The following MPDZ variants were observed in gnomAD, a reference collection of about 807,000 sequenced individuals.
MPDZ encodes the protein multiple PDZ domain crumbs cell polarity complex component.
Under a neutral mutation model 239.1 loss-of-function variants are expected in MPDZ, and 234 were observed. The ratio of observed to expected loss-of-function variants is 0.98; its 90% CI spans 0.88 to 1.09. MPDZ has a LOEUF of 1.09. Ranked by LOEUF, MPDZ falls within the 50% of genes least tolerant of loss-of-function variation. The pLI is 0.00. For synonymous variants in MPDZ, 1,048 were observed against 881.3 expected (o/e 1.19, Z -3.35); for missense variants, 3,175 against 2,510.0 (o/e 1.26, Z -5.66).
chr9:13,115,346 C>T lies in MPDZ; in HGVS notation c.5380-12G>A, dbSNP rs1331078815. 8 of 1,600,322 alleles carry T rather than the reference C, an allele frequency of 5.0e-6. No individual in the cohort carries two copies. The highest frequency in any genetic ancestry group is 1.7e-4 in the Middle Eastern group (1 of 6,042). On this transcript the variant is annotated splice_polypyrimidine_tract_variant and intron_variant, in intron 39 of 46. Transcript: ENST00000319217. ...GTGCCTAGGGAACACTGGGGGTGGG[C>T]ATGGGGGGTGTTTTATGGAAATGTT...
intron 1 of MPDZ, among the ~76,000 whole-genome samples, chr9:13,255,584 A>G (rs1372446036): frequency 6.6e-6 from 1 of 152,248 alleles, no homozygotes; most frequent in Non-Finnish European, 1.5e-5. Flanking sequence ...TGTTAGCGAC[A>G]TGAAAACAAC....
chr9:13,130,313 G>C (rs886826517), intron 32 of MPDZ, among the ~76,000 whole-genome samples: 1 of 152,090 alleles, frequency 6.6e-6, no homozygotes, highest in African/African-American at 2.4e-5. Flanking sequence ...AGTCAAAACA[G>C]AACTAGAAAT....
chr9:13,157,994 A>G (rs966577536), intron 24 of MPDZ, 24 bp downstream of exon 24: 12 of 1,592,648 alleles, frequency 7.5e-6, no homozygotes, highest in Middle Eastern at 1.7e-4. Context: ...CATTGGGTGG[A>G]CAGAAGACAG....
chr9:13,108,900 AG>A (rs764177538), intron 46 of MPDZ, 35 bp downstream of exon 46: 1 of 1,601,994 alleles, frequency 6.2e-7, no homozygotes, highest in African/African-American at 1.3e-5. Flanking sequence ...ATGAATGTTT[AG>A]GGGAAAAGAG....
At chr9:13,126,386 C>G in intron 34 of MPDZ, 130 bp downstream of exon 34, 1 of 537,634 alleles carries the variant, frequency 1.9e-6, no homozygotes, top group Non-Finnish European at 3.1e-6. Context: ...TCTGAACAAT[C>G]TCTTCTTTTC....
chr9:13,157,518 G>A (rs1462253885), intron 24 of MPDZ, among the ~76,000 whole-genome samples: 1 of 152,056 alleles, frequency 6.6e-6, no homozygotes, highest in Non-Finnish European at 1.5e-5. Flanking sequence ...ATACATCTAA[G>A]TATATTTGAG....
intron 27 of MPDZ, chr9:13,140,826 T>C (rs896485702): frequency 1.3e-5 from 2 of 152,028 alleles, no homozygotes; most frequent in Non-Finnish European, 2.9e-5. Context: ...TAAATATAAA[T>C]AATTATTTAT....
intron 1 of MPDZ, among the ~76,000 whole-genome samples, chr9:13,272,084 C>T (rs192783599): frequency 7.2e-4 from 109 of 152,222 alleles, no homozygotes; most frequent in Non-Finnish European, 1.3e-3. Context: ...AGCTTCAAAA[C>T]AGCCAAAATT....
intron 26 of MPDZ, among the ~76,000 whole-genome samples, chr9:13,146,749 AT>A (rs61410145): frequency 1.0e-4 from 15 of 150,616 alleles, no homozygotes; most frequent in South Asian, 8.4e-4. Flanking sequence ...CTGCATGTGA[AT>A]TTTTTTTTTC....
intron 32 of MPDZ, among the ~76,000 whole-genome samples, 157 bp downstream of exon 32, chr9:13,133,667 G>C (rs191324448): frequency 4.4e-4 from 67 of 152,300 alleles, no homozygotes; most frequent in African/African-American, 1.6e-3. Context: ...TCATTAAGCA[G>C]ATAAGTTTGA....
chr9:13,262,249 G>C (rs1015733822), intron 1 of MPDZ, among the ~76,000 whole-genome samples: 1 of 151,790 alleles, frequency 6.6e-6, no homozygotes, highest in Non-Finnish European at 1.5e-5. Context: ...GATCGCTTGA[G>C]CCCAGTAGTT....
intron 35 of MPDZ, among the ~76,000 whole-genome samples, chr9:13,125,014 C>T (rs1944910257): frequency 6.6e-6 from 1 of 152,064 alleles, no homozygotes; most frequent in Non-Finnish European, 1.5e-5. Flanking sequence ...GCTTAATGTA[C>T]AGCACATAGA....
chr9:13,240,280 C>T (rs1455813899), intron 3 of MPDZ, among the ~76,000 whole-genome samples: 7 of 151,796 alleles, frequency 4.6e-5, no homozygotes, highest in Non-Finnish European at 7.4e-5. Context: ...TAATATTTTG[C>T]CACATTCTCT....
intron 10 of MPDZ, among the ~76,000 whole-genome samples, chr9:13,210,081 A>T (rs1957439212): frequency 6.6e-6 from 1 of 151,746 alleles, no homozygotes. Flanking sequence ...TACAAAAAAA[A>T]AAAAACCTCA....
chr9:13,162,030 C>G (rs911640639), intron 23 of MPDZ, among the ~76,000 whole-genome samples: 6 of 152,006 alleles, frequency 3.9e-5, no homozygotes, highest in African/African-American at 1.4e-4. Context: ...TTTGGCAGGA[C>G]GAGGTGGGCA....
intron 21 of MPDZ, among the ~76,000 whole-genome samples, chr9:13,175,506 A>G (rs368812603): frequency 2.0e-5 from 3 of 152,234 alleles, no homozygotes. Flanking sequence ...TATATCTTTT[A>G]CTGAATGTAA....
chr9:13,192,388 T>C (rs950964078), intron 14 of MPDZ, 93 bp from the exon 15 acceptor site: 57 of 1,105,050 alleles, frequency 5.2e-5, no homozygotes, highest in Non-Finnish European at 7.3e-5. Flanking sequence ...AATTTTACTA[T>C]AGTCATTACC....
At chr9:13,198,777 GTGTGTGTT>G (rs1956012973) in intron 12 of MPDZ, among the ~76,000 whole-genome samples, 10 of 148,012 alleles carry the variant, frequency 6.8e-5, no homozygotes, top group African/African-American at 2.3e-4. Context: ...GTGTGTGTGT[GTGTGTGTT>G]TTAGGACAGG....
intron 12 of MPDZ, among the ~76,000 whole-genome samples, chr9:13,198,620 G>C (rs1020507476): frequency 1.3e-5 from 2 of 151,766 alleles, no homozygotes; most frequent in African/African-American, 4.8e-5. Context: ...TTTGGCTTTG[G>C]TTGCCCGTGC....
Sources: allele counts gnomAD v4.1 joint callset (sites outside exome capture counted in the v4.1 genomes callset), GRCh38; gene constraint gnomAD v4.1.1; transcripts MANE v1.5; gene names NCBI Gene and HGNC (gene_info 2026-07-23, HGNC 2026-07-21).